The following PCDHGA10 variants were observed in gnomAD, a reference collection of about 807,000 sequenced individuals.
PCDHGA10 encodes protocadherin gamma-A10.
Under a neutral mutation model 59.5 loss-of-function variants are expected in PCDHGA10, and 42 were observed. The ratio of observed to expected loss-of-function variants is 0.71; its 90% CI spans 0.55 to 0.91. The LOEUF is 0.91. Ranked by LOEUF, PCDHGA10 falls within the 40% of genes least tolerant of loss-of-function variation. The pLI, the probability that PCDHGA10 is intolerant of heterozygous loss-of-function variation, is 0.00. For missense variants in PCDHGA10, 1,111 were observed against 1,198.2 expected (o/e 0.93, Z 1.07); for synonymous variants, 511 against 517.2 (o/e 0.99, Z 0.16).
intron 1 of PCDHGA10, among the ~76,000 whole-genome samples, chr5:141,456,544 G>C (rs1020609068): frequency 6.6e-6 from 1 of 152,192 alleles, no homozygotes; most frequent in Non-Finnish European, 1.5e-5. Context: ...AGGGATTGTA[G>C]CCACTCGGGG....
chr5:141,431,582 G>A lies in PCDHGA10; in HGVS notation c.2436+15971G>A. On this transcript the variant is annotated intron_variant, in intron 1 of 3. Coordinates refer to ENST00000398610, the MANE Select transcript of PCDHGA10 (RefSeq NM_018913.3). The surrounding 1 kb of genome is among the most constrained non-coding windows in gnomAD (Gnocchi z 4.8). Reference sequence around the variant, plus strand: ...TACCGACCCTGACGAAGGAGTCAATGCGGAAGTGAGGTATTCCTTCCGGTA... The same window carrying A: ...TACCGACCCTGACGAAGGAGTCAATACGGAAGTGAGGTATTCCTTCCGGTA... The A allele has an allele frequency of 6.2e-7, 1 of 1,614,210 alleles. No homozygotes were observed. Among genetic ancestry groups the A allele is most frequent in the Non-Finnish European group, 8.5e-7 (1 of 1,180,036 alleles).
intron 1 of PCDHGA10, chr5:141,428,460 T>G (rs558111052): frequency 2.8e-6 from 1 of 351,434 alleles, no homozygotes; most frequent in African/African-American, 2.1e-5. Context: ...CCAACTACAA[T>G]GAGGGAACTT....
Position 141,432,741 on chromosome 5 carries a change from C to A in PCDHGA10, c.2436+17130C>A. 6.2e-7 allele frequency: 1 copy of A among 1,614,106 alleles called. No individual in the cohort carries two copies. The highest frequency in any genetic ancestry group is 8.5e-7 in the Non-Finnish European group (1 of 1,179,988). On this transcript the variant is annotated intron_variant, in intron 1 of 3. Transcript: ENST00000398610. The surrounding 1 kb of genome is among the most constrained non-coding windows in gnomAD (Gnocchi z 6.0). ...CCTCTCTCCGCCACTGTCACGCTCA[C>A]CGTGGCCGTGGCCGACAGCATCCCC...
intron 1 of PCDHGA10, among the ~76,000 whole-genome samples, chr5:141,444,106 G>A (rs2098417269): frequency 7.6e-6 from 1 of 131,112 alleles, no homozygotes; most frequent in South Asian, 2.6e-4. Flanking sequence ...TGGAAACCAA[G>A]AAAAGTGAAG....
rs190955361 is a variant in PCDHGA10, at chr5:141,486,090, G to A, written c.2437-8717G>A. On this transcript the variant is annotated intron_variant, in intron 1 of 3. Transcript: ENST00000398610. The surrounding 1 kb of genome is among the most constrained non-coding windows in gnomAD (Gnocchi z 5.0). ...ACTACTGGAAAGCTTACTCTTTTGG[G>A]GCCCCTAGACTTTGAGAGTGAGAAT... 3 of 1,614,086 alleles carry A rather than the reference G, an allele frequency of 1.9e-6. No homozygotes were observed. The highest frequency in any genetic ancestry group is 1.6e-4 in the Middle Eastern group (1 of 6,062).
intron 1 of PCDHGA10, chr5:141,419,265 C>G: frequency 6.2e-7 from 1 of 1,614,040 alleles, no homozygotes; most frequent in Non-Finnish European, 8.5e-7. Context: ...CAGCCGGGTG[C>G]CTCCATAGCG....
intron 1 of PCDHGA10, among the ~76,000 whole-genome samples, chr5:141,425,025 T>C (rs1416166875): frequency 1.3e-5 from 2 of 152,236 alleles, no homozygotes; most frequent in Non-Finnish European, 2.9e-5. Flanking sequence ...ATTTACCTTA[T>C]GTCATTAGTT....
At chr5:141,453,145 G>A (rs1329081754) in intron 1 of PCDHGA10, among the ~76,000 whole-genome samples, 3 of 151,752 alleles carry the variant, frequency 2.0e-5, no homozygotes, top group Admixed American at 6.6e-5. Context: ...ATAGGGTCTC[G>A]CTATGTCACC....
At position 141,487,796 on chromosome 5, in the gene PCDHGA10, T is replaced by C. The variant is rs766798983; in HGVS notation, c.2437-7011T>C. ...TAACTGTTTCGTGAATTAACCAGAG[T>C]TGTCACAGTTTAGCATTGGGGGCGG... On this transcript the variant is annotated intron_variant, in intron 1 of 3. Coordinates refer to ENST00000398610, the MANE Select transcript of PCDHGA10 (RefSeq NM_018913.3). The surrounding 1 kb of genome is among the most constrained non-coding windows in gnomAD (Gnocchi z 5.0). 15 of 1,498,660 alleles carry C rather than the reference T, an allele frequency of 1.0e-5. No homozygotes were observed. The highest frequency in any genetic ancestry group is 1.4e-5 in the Non-Finnish European group (15 of 1,110,900). 92.8% of individuals were successfully genotyped at this position (1,498,660 alleles called of 1,614,324 possible). A position where few individuals can be genotyped will look rare whatever the true frequency, so the allele number is the denominator to read the frequency against.
Position 141,485,187 on chromosome 5 carries a change from T to A in PCDHGA10, c.2437-9620T>A, listed in dbSNP as rs1325714839. ...CGGGCGGCAGCAATGCTCCGCAAGG[T>A]GAGAAGCTGGACAGAAATCTGGCGG... On this transcript the variant is annotated intron_variant, in intron 1 of 3. Transcript: ENST00000398610. This position sits in a 1 kb window ranked among gnomAD's most constrained non-coding sequence, Gnocchi z 5.7. 1 of 1,613,502 alleles carries A rather than the reference T, an allele frequency of 6.2e-7. No individual in the cohort carries two copies. The highest frequency in any genetic ancestry group is 1.7e-5 in the Admixed American group (1 of 60,018).
At chr5:141,500,188 ATT>A (rs2099797463) in intron 2 of PCDHGA10, among the ~76,000 whole-genome samples, 1 of 98,146 alleles carries the variant, frequency 1.0e-5, no homozygotes, top group African/African-American at 5.1e-5. Flanking sequence ...TTTTATTTTT[ATT>A]TATTTATTTA....
At chr5:141,443,953 T>C (rs1373953428) in intron 1 of PCDHGA10, among the ~76,000 whole-genome samples, 1 of 152,142 alleles carries the variant, frequency 6.6e-6, no homozygotes, top group Non-Finnish European at 1.5e-5. Context: ...CTTATTGGTA[T>C]GTATTCTGTG....
At chr5:141,480,514 C>A (rs1015316945) in intron 1 of PCDHGA10, among the ~76,000 whole-genome samples, 2 of 127,196 alleles carry the variant, frequency 1.6e-5, no homozygotes, top group African/African-American at 7.3e-5. Flanking sequence ...TGAGAACAAC[C>A]AAAAATGACA....
rs1243327893 is a variant in PCDHGA10, at chr5:141,491,671, C to G, written c.2437-3136C>G. 1 of 1,613,484 alleles carries G rather than the reference C, an allele frequency of 6.2e-7. No homozygotes were observed. Among genetic ancestry groups the G allele is most frequent in the Admixed American group, 1.7e-5 (1 of 60,034 alleles). On this transcript the variant is annotated intron_variant, in intron 1 of 3. Transcript: ENST00000398610. This position sits in a 1 kb window ranked among gnomAD's most constrained non-coding sequence, Gnocchi z 6.9. ...GCTGGAGCCTGACGCCATCCGGTCC[C>G]GCTCTAATACGCTGCGGGAGCGGAG...
In PCDHGA10 at chr5:141,413,972, T is replaced by G; in HGVS notation, c.797T>G (p.Leu266Arg). ...PENLPVGTQL[L>R]TVTATDRDEG... ...AATTTGCCTGTGGGCACTCAGCTGC[T>G]GACAGTCACAGCCACCGACAGGGAC... Residue 266 changes from leucine to arginine, a missense_variant, in exon 1 of 4, where the codon CTG (leucine) becomes CGG (arginine). Coordinates refer to ENST00000398610, the MANE Select transcript of PCDHGA10 (RefSeq NM_018913.3). The G allele has an allele frequency of 6.2e-7, 1 of 1,613,420 alleles. No individual in the cohort carries two copies. Among genetic ancestry groups the G allele is most frequent in the Non-Finnish European group, 8.5e-7 (1 of 1,179,848 alleles).
intron 1 of PCDHGA10, among the ~76,000 whole-genome samples, chr5:141,474,266 G>A (rs1420620306): frequency 6.6e-6 from 1 of 152,186 alleles, no homozygotes; most frequent in Non-Finnish European, 1.5e-5. Context: ...ATAAACCAGT[G>A]TATCTCTGAA....
rs2099427481 is a variant in PCDHGA10 at position 141,477,973 on chromosome 5, T to A, written c.2437-16834T>A. On this transcript the variant is annotated intron_variant, in intron 1 of 3. Coordinates refer to ENST00000398610, the MANE Select transcript of PCDHGA10 (RefSeq NM_018913.3). The surrounding 1 kb of genome is among the most constrained non-coding windows in gnomAD (Gnocchi z 4.9). The stretch of plus-strand genomic sequence containing the variant: ...TGGGATCCCCTAACCAGAGCCTTTT[T>A]GCCATAGGGCTGCACACTGGTCAAA... 1 of 1,614,030 alleles carries A rather than the reference T, an allele frequency of 6.2e-7. No individual in the cohort carries two copies. The highest frequency in any genetic ancestry group is 8.5e-7 in the Non-Finnish European group (1 of 1,180,030).
In PCDHGA10 at chr5:141,477,928, C is replaced by T; in HGVS notation, c.2437-16879C>T. On this transcript the variant is annotated intron_variant, in intron 1 of 3. Coordinates refer to ENST00000398610, the MANE Select transcript of PCDHGA10 (RefSeq NM_018913.3). This position sits in a 1 kb window ranked among gnomAD's most constrained non-coding sequence, Gnocchi z 4.9. ...GGGACGCGGATGCAGGGCACAATGC[C>T]TGGCTCTCCTACAGTCTCTTGGGAT... The T allele has an allele frequency of 6.2e-7, 1 of 1,614,186 alleles. No individual in the cohort carries two copies.
chr5:141,418,867 A>T, intron 1 of PCDHGA10: 1 of 1,613,968 alleles, frequency 6.2e-7, no homozygotes, highest in Non-Finnish European at 8.5e-7. Context: ...TAATTGTAGA[A>T]GTTGTAGACG....
Sources: allele counts gnomAD v4.1 joint callset (sites outside exome capture counted in the v4.1 genomes callset), GRCh38; gene constraint gnomAD v4.1.1; non-coding constraint Gnocchi (gnomAD v3.1); transcripts MANE v1.5; gene names NCBI Gene and HGNC (gene_info 2026-07-23, HGNC 2026-07-21).